Variants in GARIN2 observed in about 807,000 individuals in gnomAD.
The protein encoded by GARIN2 is Golgi-associated RAB2 interactor protein 2.
chr14:67,226,033 T>C, the GARIN2 span, among the ~76,000 whole-genome samples: 1 of 151,378 alleles, frequency 6.6e-6, no homozygotes, highest in Non-Finnish European at 1.5e-5. Flanking sequence ...GGGGGGAGGT[T>C]GGTGGACCAC....
the GARIN2 span, among the ~76,000 whole-genome samples, chr14:67,215,403 A>G: frequency 3.6e-5 from 5 of 137,652 alleles, no homozygotes; most frequent in African/African-American, 1.5e-4. Context: ...ACACTGATCT[A>G]TTGTTTTTTT....
the GARIN2 span, chr14:67,205,028 G>A: frequency 6.4e-7 from 1 of 1,553,122 alleles, no homozygotes; most frequent in Non-Finnish European, 8.7e-7. Flanking sequence ...ATTACAAACT[G>A]CTCGGGAGTC....
chr14:67,223,514 G>A, the GARIN2 span, among the ~76,000 whole-genome samples: 4 of 152,314 alleles, frequency 2.6e-5, no homozygotes, highest in South Asian at 2.1e-4. Flanking sequence ...ACTCATCTTC[G>A]ACAATCTAGC....
chr14:67,205,044 G>A, the GARIN2 span: 1 of 1,551,790 alleles, frequency 6.4e-7, no homozygotes, highest in African/African-American at 1.4e-5. Context: ...GAGTCACAGT[G>A]GTGTTTGAAA....
the GARIN2 span, chr14:67,204,692 C>T: frequency 6.2e-7 from 1 of 1,613,920 alleles, no homozygotes; most frequent in Non-Finnish European, 8.5e-7. Flanking sequence ...GCCCTCATCT[C>T]CCTCTTGAAT....
At chr14:67,225,493 G>A in the GARIN2 span, among the ~76,000 whole-genome samples, 1 of 152,172 alleles carries the variant, frequency 6.6e-6, no homozygotes, top group Non-Finnish European at 1.5e-5. Flanking sequence ...TTCAGGTGAG[G>A]CACTGGAAGA....
chr14:67,224,377 GT>G, the GARIN2 span, among the ~76,000 whole-genome samples: 4 of 151,536 alleles, frequency 2.6e-5, no homozygotes, highest in East Asian at 7.8e-4. Flanking sequence ...TCTTGCCTCA[GT>G]CTCCCGAGTA....
the GARIN2 span, chr14:67,224,555 C>A: frequency 4.9e-6 from 1 of 206,008 alleles, no homozygotes; most frequent in South Asian, 6.3e-5. Context: ...CCACTGTGCC[C>A]GGCCCCATTT....
the GARIN2 span, among the ~76,000 whole-genome samples, chr14:67,216,482 G>A: frequency 3.3e-5 from 5 of 151,898 alleles, no homozygotes; most frequent in African/African-American, 1.2e-4. Context: ...TCCTCAAGGT[G>A]CATCATTAGG....
the GARIN2 span, among the ~76,000 whole-genome samples, chr14:67,215,774 G>C: frequency 3.9e-5 from 6 of 152,024 alleles, no homozygotes; most frequent in African/African-American, 1.4e-4. Context: ...GATCAGGTCT[G>C]GTCACTCTGA....
chr14:67,192,164 A>C, the GARIN2 span, among the ~76,000 whole-genome samples: 2 of 152,224 alleles, frequency 1.3e-5, no homozygotes, highest in African/African-American at 4.8e-5. Context: ...AATTAGATGA[A>C]TAGGACATTG....
chr14:67,209,184 G>A, the GARIN2 span, among the ~76,000 whole-genome samples: 1 of 152,268 alleles, frequency 6.6e-6, no homozygotes, highest in Non-Finnish European at 1.5e-5. Context: ...TAGGCATTGG[G>A]GATACAGCAG....
the GARIN2 span, among the ~76,000 whole-genome samples, chr14:67,216,290 CT>C: frequency 6.6e-6 from 1 of 151,964 alleles, no homozygotes; most frequent in Admixed American, 6.6e-5. Context: ...CTGTAGTCTT[CT>C]TTTTTTGTCA....
At chr14:67,193,705 G>C in the GARIN2 span, among the ~76,000 whole-genome samples, 97 of 149,016 alleles carry the variant, frequency 6.5e-4, no homozygotes, top group African/African-American at 2.1e-3. Context: ...CACTTTGGGA[G>C]GCCAAAACAG....
the GARIN2 span, chr14:67,223,947 C>T: frequency 9.1e-6 from 9 of 984,964 alleles, no homozygotes; most frequent in South Asian, 4.7e-5. Flanking sequence ...AAAATGAGTC[C>T]GTAATTCTAA....
the GARIN2 span, among the ~76,000 whole-genome samples, chr14:67,197,587 G>A: frequency 1.3e-5 from 2 of 152,020 alleles, no homozygotes; most frequent in African/African-American, 4.8e-5. Flanking sequence ...TTTTTCCACC[G>A]ACTTAGAGTC....
At chr14:67,225,926 A>AGAGTGT in the GARIN2 span, among the ~76,000 whole-genome samples, 8 of 136,630 alleles carry the variant, frequency 5.9e-5, no homozygotes, top group South Asian at 4.8e-4. Flanking sequence ...TAATGCTGTG[A>AGAGTGT]GTGTGTGTGT....
chr14:67,190,942 G>C, the GARIN2 span, among the ~76,000 whole-genome samples: 55 of 152,152 alleles, frequency 3.6e-4, no homozygotes, highest in African/African-American at 1.3e-3. Context: ...TCATTTAAGA[G>C]CTATCATGTA....
the GARIN2 span, chr14:67,208,081 C>T: frequency 1.4e-6 from 2 of 1,395,206 alleles, no homozygotes; most frequent in African/African-American, 2.9e-5. Context: ...CTCCTTACTA[C>T]TCCTCACGGG....
Sources: gnomAD v4.1 joint callset for allele counts (sites outside exome capture counted in the v4.1 genomes callset) on GRCh38, gnomAD v4.1.1 for gene constraint, MANE v1.5 for transcripts, NCBI Gene and HGNC (gene_info 2026-07-23, HGNC 2026-07-21) for gene names.